CRISPLD2: variants seen among roughly 807,000 people sequenced by gnomAD.
The protein encoded by CRISPLD2 is cysteine-rich secretory protein LCCL domain-containing 2.
A neutral mutation model predicts 71.1 loss-of-function variants in CRISPLD2; 47 were observed. The observed-to-expected ratio is 0.66, with a 90% CI of 0.52 to 0.84. The LOEUF is 0.84. CRISPLD2 is among the 40% of genes least tolerant of loss of function. CRISPLD2 has a pLI of 0.00. For missense variants in CRISPLD2, 830 were observed against 651.1 expected (o/e 1.27, Z -2.99); for synonymous variants, 317 against 250.1 (o/e 1.27, Z -2.52).
intron 14 of CRISPLD2, among the ~76,000 whole-genome samples, chr16:84,890,024 G>A (rs2071647629): frequency 6.6e-6 from 1 of 152,154 alleles, no homozygotes; most frequent in South Asian, 2.1e-4. Flanking sequence ...CCACAGGGCT[G>A]TTGGGAGGTG....
intron 13 of CRISPLD2, among the ~76,000 whole-genome samples, chr16:84,888,721 C>G (rs2071635021): frequency 6.6e-6 from 1 of 152,196 alleles, no homozygotes; most frequent in Admixed American, 6.5e-5. Flanking sequence ...TTTGCACGAG[C>G]CTTTCCCTCT....
At chr16:84,853,660 G>A (rs1917151287) in intron 5 of CRISPLD2, among the ~76,000 whole-genome samples, 1 of 152,188 alleles carries the variant, frequency 6.6e-6, no homozygotes, top group Admixed American at 6.5e-5. Context: ...GCCAGCACTG[G>A]CAGGGCCCCT....
rs113834114 is a variant in CRISPLD2, at chr16:84,854,243, G to T, written c.609-486G>T. Among the ~76,000 whole-genome samples the T allele has an allele frequency of 6.1e-3, 930 of 152,340 alleles. 5 individuals are homozygous for T. Among genetic ancestry groups the T allele is most frequent in the African/African-American group, 0.021 (865 of 41,580 alleles). On this transcript the variant is annotated intron_variant, in intron 5 of 14. Coordinates refer to ENST00000262424, the MANE Select transcript of CRISPLD2 (RefSeq NM_031476.4). ...TGAATTCCAGCTCTTCCCTCCTGGG[G>T]TGTTGGGGAGATGGGGTGAGGAGTG...
chr16:84,901,555 T>A (rs2071754121), intron 14 of CRISPLD2, among the ~76,000 whole-genome samples: 1 of 144,080 alleles, frequency 6.9e-6, no homozygotes, highest in Non-Finnish European at 1.5e-5. Context: ...CATTGCAACC[T>A]CCACCTCCTG....
Position 84,885,048 on chromosome 16 carries a change from C to CTTG in CRISPLD2, c.1306-4169_1306-4167dup, listed in dbSNP as rs201463558. ...AGAAAGCCTGGAGGTCTTATTTCAT[C>CTTG]TTGTTGTTGTTGTTGGAAATGCAGA... On this transcript the variant is annotated intron_variant, in intron 13 of 14. Transcript: ENST00000262424. Among the ~76,000 whole-genome samples, 402 of 152,262 alleles carry CTTG rather than the reference C, an allele frequency of 2.6e-3. 12 individuals carry two copies. In the East Asian group the frequency reaches 0.056, roughly 21 times the overall value.
intron 14 of CRISPLD2, among the ~76,000 whole-genome samples, chr16:84,893,982 A>G (rs1901056293): frequency 6.6e-6 from 1 of 152,188 alleles, no homozygotes; most frequent in South Asian, 2.1e-4. Context: ...AGCAAACTGT[A>G]CTTTAAATGT....
chr16:84,849,289 C>T (rs1055777569), intron 3 of CRISPLD2, 96 bp from the exon 4 acceptor site: 7 of 1,265,736 alleles, frequency 5.5e-6, no homozygotes, highest in Non-Finnish European at 6.6e-6. Flanking sequence ...TCACCCTCCT[C>T]GGCCTCCCTC....
At chr16:84,873,797 A>T (rs1597471750) in intron 10 of CRISPLD2, 123 bp from the exon 11 acceptor site, 1 of 901,254 alleles carries the variant, frequency 1.1e-6, no homozygotes, top group Non-Finnish European at 1.6e-6. Context: ...GATAGGAAAC[A>T]AGTAGAAAAG....
At chr16:84,845,308 G>A (rs553734230) in intron 2 of CRISPLD2, among the ~76,000 whole-genome samples, 4 of 152,206 alleles carry the variant, frequency 2.6e-5, no homozygotes, top group South Asian at 2.1e-4. Context: ...TGGAACATGC[G>A]TAGTAAGGAG....
chr16:84,853,234 C>T (rs1917137774), intron 5 of CRISPLD2, among the ~76,000 whole-genome samples: 1 of 152,146 alleles, frequency 6.6e-6, no homozygotes, highest in Admixed American at 6.5e-5. Context: ...GTGGGACGTA[C>T]CCACGACAGG....
At chr16:84,873,863 A>AG (rs2143292788) in intron 10 of CRISPLD2, 57 bp from the exon 11 acceptor site, 8 of 1,484,876 alleles carry the variant, frequency 5.4e-6, no homozygotes, top group Non-Finnish European at 7.3e-6. Context: ...CACTTTTAGA[A>AG]GCAATTCTAT....
intron 14 of CRISPLD2, among the ~76,000 whole-genome samples, chr16:84,892,317 C>T (rs973367639): frequency 1.8e-4 from 27 of 152,338 alleles, no homozygotes; most frequent in East Asian, 1.3e-3. Flanking sequence ...GCTGCATGCT[C>T]GACTGTGACA....
intron 14 of CRISPLD2, among the ~76,000 whole-genome samples, chr16:84,902,032 C>T (rs1021077002): frequency 6.6e-6 from 1 of 151,650 alleles, no homozygotes; most frequent in Non-Finnish European, 1.5e-5. Context: ...CTCCTGATCT[C>T]AAGTGATCTG....
intron 12 of CRISPLD2, among the ~76,000 whole-genome samples, chr16:84,878,581 C>T (rs991519037): frequency 1.3e-5 from 2 of 152,224 alleles, no homozygotes; most frequent in Non-Finnish European, 2.9e-5. Context: ...TCCCAGGAAT[C>T]GGTTCTACAG....
chr16:84,867,113 G>A (rs116964763), intron 7 of CRISPLD2, 73 bp downstream of exon 7: 22,406 of 1,505,312 alleles, frequency 0.015, 215 homozygotes, highest in Non-Finnish European at 0.017. Context: ...GGTGGAGGAG[G>A]GGAGCTAGTG....
intron 8 of CRISPLD2, among the ~76,000 whole-genome samples, chr16:84,869,423 A>T (rs1403177635): frequency 6.6e-6 from 1 of 152,234 alleles, no homozygotes; most frequent in African/African-American, 2.4e-5. Context: ...CCGAAAGCTG[A>T]ATCGAGTTAT....
intron 6 of CRISPLD2, among the ~76,000 whole-genome samples, chr16:84,865,786 T>A (rs1011488409): frequency 4.6e-5 from 7 of 152,206 alleles, no homozygotes; most frequent in African/African-American, 1.4e-4. Flanking sequence ...TGGTGAGCAG[T>A]TTGTAGTTGT....
At chr16:84,864,554 C>G (rs1399789511) in intron 6 of CRISPLD2, among the ~76,000 whole-genome samples, 1 of 152,240 alleles carries the variant, frequency 6.6e-6, no homozygotes, top group Admixed American at 6.5e-5. Context: ...CGGTGTCTTC[C>G]TGAAGCTTCC....
At chr16:84,859,133 C>T (rs1349797529) in intron 6 of CRISPLD2, among the ~76,000 whole-genome samples, 4 of 152,164 alleles carry the variant, frequency 2.6e-5, no homozygotes, top group Non-Finnish European at 2.9e-5. Context: ...TGGCCTTTCC[C>T]ACCATAATAG....
Sources: gnomAD v4.1 joint callset for allele counts (sites outside exome capture counted in the v4.1 genomes callset) on GRCh38, gnomAD v4.1.1 for gene constraint, MANE v1.5 for transcripts, NCBI Gene and HGNC (gene_info 2026-07-23, HGNC 2026-07-21) for gene names.